The following CCDC150 variants were observed in gnomAD, a reference collection of about 807,000 sequenced individuals.
CCDC150 encodes coiled-coil domain containing 150.
Under a neutral mutation model 156.5 loss-of-function variants are expected in CCDC150, and 151 were observed. The observed-to-expected ratio is 0.97, with a 90% CI of 0.85 to 1.10. CCDC150 has a LOEUF of 1.10. Among genes scored for constraint, CCDC150 ranks in the 50% least tolerant of loss-of-function variants. The probability of loss-of-function intolerance (pLI) is 0.00; values close to 1 mark genes in which losing one functional copy is unlikely to be tolerated. For missense variants in CCDC150, 1,312 were observed against 1,268.1 expected (o/e 1.03, Z -0.53); for synonymous variants, 452 against 429.4 (o/e 1.05, Z -0.65).
At chr2:196,671,389 T>G (rs1372819806) in intron 8 of CCDC150, among the ~76,000 whole-genome samples, 1 of 151,918 alleles carries the variant, frequency 6.6e-6, no homozygotes, top group Non-Finnish European at 1.5e-5. Context: ...CCATGTCTTT[T>G]CATGGCTTGA....
intron 2 of CCDC150, among the ~76,000 whole-genome samples, chr2:196,646,787 A>G (rs1415424412): frequency 6.7e-6 from 1 of 149,706 alleles, no homozygotes; most frequent in Non-Finnish European, 1.5e-5. Flanking sequence ...GTAATTTTTC[A>G]TGTAATAAAA....
intron 13 of CCDC150, among the ~76,000 whole-genome samples, chr2:196,691,947 A>G (rs1695506205): frequency 6.6e-6 from 1 of 152,042 alleles, no homozygotes; most frequent in Non-Finnish European, 1.5e-5. Context: ...TCTCAAAAAC[A>G]AAACAAAAAC....
chr2:196,672,517 T>C, intron 9 of CCDC150, 80 bp downstream of exon 9: 1 of 698,912 alleles, frequency 1.4e-6, no homozygotes. Flanking sequence ...AAATTAGTCT[T>C]GATTATATAA....
At chr2:196,706,967 A>G (rs2125679000) in intron 15 of CCDC150, among the ~76,000 whole-genome samples, 1 of 152,306 alleles carries the variant, frequency 6.6e-6, no homozygotes, top group Non-Finnish European at 1.5e-5. Context: ...TTGGTCTAAA[A>G]TTCTCTTTTT....
chr2:196,732,537 A>G lies in CCDC150; in HGVS notation c.3281A>G (p.Tyr1094Cys), dbSNP rs765458740. The G allele has an allele frequency of 1.2e-6, 2 of 1,612,238 alleles. No homozygotes were observed. Among genetic ancestry groups the G allele is most frequent in the Admixed American group, 3.3e-5 (2 of 60,020 alleles). The change falls in exon 28 of 28, where the codon TAT becomes TGT. Residue 1094 changes from tyrosine (Y) to cysteine (C), a missense_variant. Tyr to Cys is a radical substitution (Grantham distance 194, BLOSUM62 -2). Transcript: ENST00000389175. ...AATCTTAGGCCCATGCCCAAGAAGTATCATTCTGAGGTACAGAGGAAGTGA... is the reference window on the plus strand; with the variant it reads ...AATCTTAGGCCCATGCCCAAGAAGTGTCATTCTGAGGTACAGAGGAAGTGA... ...KQNLRPMPKKYHSEVQRK is the reference protein window; with the variant it reads ...KQNLRPMPKKCHSEVQRK
At chr2:196,720,211 T>G (rs1697799162) in intron 19 of CCDC150, 1 of 351,456 alleles carries the variant, frequency 2.8e-6, no homozygotes, top group African/African-American at 2.2e-5. Flanking sequence ...TAGGGCATAT[T>G]GCCTCTATGT....
intron 13 of CCDC150, among the ~76,000 whole-genome samples, chr2:196,683,020 G>A (rs1028936794): frequency 4.0e-5 from 6 of 151,630 alleles, no homozygotes; most frequent in Admixed American, 6.6e-5. Flanking sequence ...TTTCATTTTC[G>A]TATATAATTG....
At chr2:196,712,419 G>A (rs1354270345) in intron 16 of CCDC150, 167 bp downstream of exon 16, 1 of 557,944 alleles carries the variant, frequency 1.8e-6, no homozygotes, top group Non-Finnish European at 3.2e-6. Context: ...ACAAGGTTCT[G>A]CTAAAGCCTC....
chr2:196,712,701 A>C lies in CCDC150; in HGVS notation c.1828A>C (p.Arg610=). The stretch of plus-strand genomic sequence containing the variant: ...GGCAAACTCAGAACTCAGTGCCAAG[A>C]GGGTACACCTGCAGCAGGCAGATGC... ...AQANSELSAK[R]VHLQQADAHL... is the part of the protein sequence containing the mutation. The change falls in exon 17 of 28, where the codon AGG becomes CGG. Residue 610 remains arginine, a synonymous_variant. Coordinates refer to ENST00000389175, the MANE Select transcript of CCDC150 (RefSeq NM_001080539.2). 1 of 1,611,170 alleles carries C rather than the reference A, an allele frequency of 6.2e-7. No homozygotes were observed. Among genetic ancestry groups the C allele is most frequent in the South Asian group, 1.1e-5 (1 of 90,290 alleles).
At chr2:196,703,845 A>C (rs1019096434) in intron 15 of CCDC150, among the ~76,000 whole-genome samples, 11 of 152,218 alleles carry the variant, frequency 7.2e-5, no homozygotes, top group African/African-American at 2.7e-4. Flanking sequence ...GTAATCATAA[A>C]GGAAATACAT....
intron 13 of CCDC150, among the ~76,000 whole-genome samples, chr2:196,679,010 C>G (rs935563940): frequency 6.6e-6 from 1 of 152,182 alleles, no homozygotes; most frequent in Non-Finnish European, 1.5e-5. Flanking sequence ...TTAATGTAGA[C>G]TAAGTGTAAG....
At chr2:196,646,119 A>C (rs564235121) in intron 1 of CCDC150, among the ~76,000 whole-genome samples, 1 of 152,124 alleles carries the variant, frequency 6.6e-6, no homozygotes, top group Non-Finnish European at 1.5e-5. Flanking sequence ...AGAAAGTCCT[A>C]CCTGGGATGT....
chr2:196,669,210 G>A (rs1268635380), intron 7 of CCDC150, among the ~76,000 whole-genome samples: 1 of 152,164 alleles, frequency 6.6e-6, no homozygotes, highest in African/African-American at 2.4e-5. Flanking sequence ...ACATTTGGAT[G>A]CCTTGCAGAT....
intron 13 of CCDC150, among the ~76,000 whole-genome samples, chr2:196,683,779 GCTAT>G (rs942080325): frequency 1.3e-5 from 2 of 151,846 alleles, no homozygotes; most frequent in Non-Finnish European, 1.5e-5. Context: ...TTTCATCTAG[GCTAT>G]CTAATTTGTT....
intron 26 of CCDC150, 112 bp from the exon 27 acceptor site, chr2:196,731,921 C>A: frequency 1.1e-6 from 1 of 898,290 alleles, no homozygotes; most frequent in Non-Finnish European, 1.7e-6. Context: ...GAAGAACAAG[C>A]AGTCAGAATT....
chr2:196,660,096 T>TTATGCA (rs1013090501), intron 5 of CCDC150, among the ~76,000 whole-genome samples: 3 of 152,202 alleles, frequency 2.0e-5, no homozygotes, highest in African/African-American at 7.2e-5. Flanking sequence ...CTGGCTTCTT[T>TTATGCA]TATGCATATG....
intron 13 of CCDC150, among the ~76,000 whole-genome samples, chr2:196,689,647 T>C (rs1695324077): frequency 1.3e-5 from 2 of 151,768 alleles, no homozygotes; most frequent in South Asian, 2.1e-4. Flanking sequence ...GATTTTGGGC[T>C]GAGACAACGG....
chr2:196,715,087 C>T (rs771586761), intron 17 of CCDC150, among the ~76,000 whole-genome samples: 11 of 152,146 alleles, frequency 7.2e-5, no homozygotes, highest in Non-Finnish European at 1.6e-4. Flanking sequence ...GTTCCTATGC[C>T]TTCCTATGGA....
intron 17 of CCDC150, chr2:196,713,326 C>T: frequency 7.0e-7 from 1 of 1,433,886 alleles, no homozygotes; most frequent in Non-Finnish European, 9.1e-7. Flanking sequence ...CTAGGTTTAG[C>T]TGATTTTATT....
Sources: allele counts gnomAD v4.1 joint callset (sites outside exome capture counted in the v4.1 genomes callset), GRCh38; gene constraint gnomAD v4.1.1; transcripts MANE v1.5; gene names NCBI Gene and HGNC (gene_info 2026-07-23, HGNC 2026-07-21).